CIMIP6: variants seen among roughly 807,000 people sequenced by gnomAD.
CIMIP6 encodes the protein ciliary microtubule inner protein 6, also known as uncharacterized protein C2orf73.
chr2:54,348,971 A>G, the CIMIP6 span, among the ~76,000 whole-genome samples: 3 of 152,210 alleles, frequency 2.0e-5, no homozygotes, highest in Admixed American at 6.5e-5. Context: ...GAGTCCCTGT[A>G]AGAATAAGTG....
chr2:54,379,087 G>T, the CIMIP6 span, among the ~76,000 whole-genome samples: 1 of 152,170 alleles, frequency 6.6e-6, no homozygotes, highest in Non-Finnish European at 1.5e-5. Context: ...ATAAATGAAT[G>T]ATATTAGATA....
chr2:54,354,183 G>A, the CIMIP6 span, among the ~76,000 whole-genome samples: 1 of 152,066 alleles, frequency 6.6e-6, no homozygotes. Flanking sequence ...TTGTCTGCAA[G>A]CTCTCTGTTA....
chr2:54,340,434 A>G, the CIMIP6 span, among the ~76,000 whole-genome samples: 10 of 152,230 alleles, frequency 6.6e-5, no homozygotes, highest in African/African-American at 2.4e-4. Context: ...TCTTTTATGA[A>G]TAAATGCTTG....
chr2:54,350,532 A>G, the CIMIP6 span, among the ~76,000 whole-genome samples: 1 of 152,230 alleles, frequency 6.6e-6, no homozygotes, highest in Non-Finnish European at 1.5e-5. Context: ...CCAAGAATGC[A>G]AAAGCAGAAG....
chr2:54,381,522 G>A, the CIMIP6 span, among the ~76,000 whole-genome samples: 8 of 152,182 alleles, frequency 5.3e-5, no homozygotes, highest in African/African-American at 1.9e-4. Context: ...CTGAGACTGA[G>A]AGATGAAATA....
chr2:54,359,159 T>C, the CIMIP6 span: 4 of 801,566 alleles, frequency 5.0e-6, no homozygotes, highest in African/African-American at 5.4e-5. Context: ...TAATTATCTT[T>C]CTGTCTATTT....
At chr2:54,362,954 T>C in the CIMIP6 span, among the ~76,000 whole-genome samples, 2 of 152,350 alleles carry the variant, frequency 1.3e-5, no homozygotes, top group East Asian at 3.9e-4. Flanking sequence ...AGTCCATTTA[T>C]TGAAACTTAA....
the CIMIP6 span, among the ~76,000 whole-genome samples, chr2:54,350,263 A>C: frequency 1.3e-5 from 2 of 152,362 alleles, no homozygotes; most frequent in South Asian, 2.1e-4. Context: ...TATTTGTTTT[A>C]GTTATTTGCA....
the CIMIP6 span, among the ~76,000 whole-genome samples, chr2:54,368,059 G>A: frequency 1.3e-5 from 2 of 152,156 alleles, no homozygotes; most frequent in South Asian, 4.1e-4. Context: ...AGCAAAAAGA[G>A]TTGAAGAAAC....
At chr2:54,338,237 C>T in the CIMIP6 span, among the ~76,000 whole-genome samples, 1 of 151,940 alleles carries the variant, frequency 6.6e-6, no homozygotes, top group Non-Finnish European at 1.5e-5. Context: ...AGTTTGAAAC[C>T]TTCCTGGGCA....
At chr2:54,350,271 G>C in the CIMIP6 span, among the ~76,000 whole-genome samples, 1 of 152,164 alleles carries the variant, frequency 6.6e-6, no homozygotes. Context: ...TTAGTTATTT[G>C]CATAACAAGC....
the CIMIP6 span, among the ~76,000 whole-genome samples, chr2:54,337,466 C>T: frequency 6.6e-6 from 1 of 152,116 alleles, no homozygotes; most frequent in Non-Finnish European, 1.5e-5. Context: ...TACCAAAATC[C>T]AGATTAGTGA....
chr2:54,371,216 C>T, the CIMIP6 span, among the ~76,000 whole-genome samples: 2 of 152,246 alleles, frequency 1.3e-5, no homozygotes, highest in Admixed American at 1.3e-4. Context: ...GATTTTTGAA[C>T]CCCCCACATG....
the CIMIP6 span, among the ~76,000 whole-genome samples, chr2:54,361,890 AAGAT>A: frequency 6.6e-6 from 1 of 152,204 alleles, no homozygotes; most frequent in African/African-American, 2.4e-5. Context: ...CCAAAGTAGA[AAGAT>A]AGAATTGAAA....
At chr2:54,376,191 A>C in the CIMIP6 span, among the ~76,000 whole-genome samples, 15 of 147,078 alleles carry the variant, frequency 1.0e-4, no homozygotes, top group Non-Finnish European at 2.2e-4. Flanking sequence ...GCATGCCACC[A>C]TGCCTGGCTG....
chr2:54,336,335 A>G, the CIMIP6 span, among the ~76,000 whole-genome samples: 7 of 152,136 alleles, frequency 4.6e-5, no homozygotes. Flanking sequence ...AGTCATGTTA[A>G]TGGAATTACC....
chr2:54,371,450 C>G, the CIMIP6 span, among the ~76,000 whole-genome samples: 2 of 152,218 alleles, frequency 1.3e-5, no homozygotes, highest in African/African-American at 4.8e-5. Flanking sequence ...GGCTTCTGTT[C>G]TGGTGCGGTC....
At chr2:54,360,122 A>T in the CIMIP6 span, 1 of 1,449,566 alleles carries the variant, frequency 6.9e-7, no homozygotes, top group Non-Finnish European at 9.1e-7. Context: ...GACTTGAGCT[A>T]ACGCACAAAT....
chr2:54,347,801 G>T, the CIMIP6 span, among the ~76,000 whole-genome samples: 1 of 152,236 alleles, frequency 6.6e-6, no homozygotes, highest in East Asian at 1.9e-4. Context: ...TGCCTCAGAG[G>T]TATGTGATGC....
Sources: gnomAD v4.1 joint callset for allele counts (sites outside exome capture counted in the v4.1 genomes callset) on GRCh38, gnomAD v4.1.1 for gene constraint, MANE v1.5 for transcripts, NCBI Gene and HGNC (gene_info 2026-07-23, HGNC 2026-07-21) for gene names.